Variants in ASGR2 observed in about 807,000 individuals in gnomAD.
ASGR2 encodes the protein asialoglycoprotein receptor 2.
ASGR2 carries 34 observed loss-of-function variants against 32.3 expected under a neutral mutation model. That is an observed-to-expected ratio of 1.05 (90% confidence interval 0.80 to 1.40). The LOEUF is 1.40. Ranked by LOEUF, ASGR2 falls within the 40% of genes most tolerant of loss-of-function variation. ASGR2 has a pLI of 0.00. For missense variants in ASGR2, 385 were observed against 386.4 expected, an observed-to-expected ratio of 1.00 and a Z score of 0.03; for synonymous variants, 143 against 150.0, an observed-to-expected ratio of 0.95 and a Z score of 0.34.
At position 7,114,679 on chromosome 17, in the gene ASGR2, G is replaced by A. The variant is rs34624974; in HGVS notation, c.-135C>T. On this transcript the variant is annotated 5_prime_UTR_variant, in exon 1 of 9. Coordinates refer to ENST00000691900, the MANE Select transcript of ASGR2 (RefSeq NM_001201352.2). The surrounding 1 kb of genome is among the most constrained non-coding windows in gnomAD (Gnocchi z 4.5). ...GCAACCCTGGCCTTGGCCAAGGAGG[G>A]GTTAAAGCCAGGAGAACTGGGGCAG... 1.0e-3 allele frequency: 1,068 copies of A among 1,022,826 alleles called. 27 individuals carry two copies. The Admixed American group carries it at 0.049, about 47-fold the overall frequency. The allele number at this position is 1,022,826 out of a possible 1,614,324, so 63.4% of individuals were successfully genotyped here.
At chr17:7,111,471 A>G (rs1475191939) in intron 2 of ASGR2, among the ~76,000 whole-genome samples, 7 of 152,078 alleles carry the variant, frequency 4.6e-5, no homozygotes, top group African/African-American at 7.2e-5. Context: ...CCTGGCTAAC[A>G]TGGTGAAACC....
chr17:7,111,500 C>CAAA (rs1233875802), intron 2 of ASGR2, among the ~76,000 whole-genome samples: 6 of 151,740 alleles, frequency 4.0e-5, no homozygotes, highest in Admixed American at 6.6e-5. Flanking sequence ...ACTAAAAATA[C>CAAA]AAAAAATTAG....
chr17:7,106,093 A>G (rs1913638313), intron 7 of ASGR2, among the ~76,000 whole-genome samples: 1 of 152,198 alleles, frequency 6.6e-6, no homozygotes, highest in South Asian at 2.1e-4. Flanking sequence ...GGCCTAAATC[A>G]GCATTTTTAA....
chr17:7,114,032 G>C lies in ASGR2; in HGVS notation c.124+85C>G. On this transcript the variant is annotated intron_variant, in intron 2 of 8. Transcript: ENST00000691900. This position sits in a 1 kb window ranked among gnomAD's most constrained non-coding sequence, Gnocchi z 4.5. ...GCCCTCCTCAGTCCCTGTTCACAGA[G>C]TGGGTGCGGCAGAGACCTCAAAGGG... is the stretch of plus-strand genomic sequence containing the variant. The C allele has an allele frequency of 6.4e-7, 1 of 1,570,112 alleles. No individual in the cohort carries two copies. Among genetic ancestry groups the C allele is most frequent in the Non-Finnish European group, 8.6e-7 (1 of 1,156,296 alleles).
intron 2 of ASGR2, among the ~76,000 whole-genome samples, chr17:7,110,488 G>A (rs1322283703): frequency 6.6e-6 from 1 of 152,176 alleles, no homozygotes; most frequent in Admixed American, 6.5e-5. Flanking sequence ...GGTCAGCCCA[G>A]CAACGTGTCT....
chr17:7,108,944 A>AAG lies in ASGR2; in HGVS notation c.125-58_125-57dup. 6.9e-7 allele frequency: 1 copy of AAG among 1,447,714 alleles called. No homozygotes were observed. Among genetic ancestry groups the AAG allele is most frequent in the South Asian group, 1.2e-5 (1 of 82,696 alleles). The allele number at this position is 1,447,714 out of a possible 1,614,324, so 89.7% of individuals were successfully genotyped here. ...CCTGGGTGTGGGGAGCCGGAGGGTA[A>AAG]AGACAGGGCACCGAAGCCTGAGGAG... On this transcript the variant is annotated intron_variant, in intron 2 of 8. Coordinates refer to ENST00000691900, the MANE Select transcript of ASGR2 (RefSeq NM_001201352.2). This position sits in a 1 kb window ranked among gnomAD's most constrained non-coding sequence, Gnocchi z 4.9.
At chr17:7,102,966 C>T (rs1434536394) in intron 7 of ASGR2, among the ~76,000 whole-genome samples, 1 of 152,144 alleles carries the variant, frequency 6.6e-6, no homozygotes, top group African/African-American at 2.4e-5. Context: ...CCCACGCGCA[C>T]CCACACTCCC....
At chr17:7,104,280 G>A (rs577272983) in intron 7 of ASGR2, among the ~76,000 whole-genome samples, 14 of 149,178 alleles carry the variant, frequency 9.4e-5, no homozygotes, top group Admixed American at 1.3e-4. Flanking sequence ...CCTGGGAGGC[G>A]GAGGTTGTAG....
chr17:7,102,827 C>A (rs1913052909), intron 7 of ASGR2, among the ~76,000 whole-genome samples: 2 of 152,210 alleles, frequency 1.3e-5, no homozygotes, highest in Admixed American at 6.5e-5. Flanking sequence ...CCATTATGAT[C>A]TAGCTACGTG....
rs1328501609 is a variant in ASGR2, at chr17:7,114,502, A to G, written c.-71+113T>C. On this transcript the variant is annotated intron_variant, in intron 1 of 8. Coordinates refer to ENST00000691900, the MANE Select transcript of ASGR2 (RefSeq NM_001201352.2). This position sits in a 1 kb window ranked among gnomAD's most constrained non-coding sequence, Gnocchi z 4.5. ...TGACCTGGCCAGGAGACCCCTCCCC[A>G]CGCTCATGGACCCGACCACCCACAG... is the stretch of plus-strand genomic sequence containing the variant. 1.5e-5 allele frequency: 20 copies of G among 1,295,980 alleles called. No individual in the cohort carries two copies. The East Asian group carries it at 6.1e-4, about 40-fold the overall frequency. The allele number at this position is 1,295,980 out of a possible 1,614,324, so 80.3% of individuals were successfully genotyped here.
Position 7,101,413 on chromosome 17 carries a change from C to T in ASGR2, c.*162G>A. Reference sequence around the variant, plus strand: ...TGAATTACAGAAGGAGGTGGGATCTCAGTCCTCCAGGGTCAGGGACTCTTA... The same window carrying T: ...TGAATTACAGAAGGAGGTGGGATCTTAGTCCTCCAGGGTCAGGGACTCTTA... On this transcript the variant is annotated 3_prime_UTR_variant, in exon 9 of 9. Transcript: ENST00000691900. 1.2e-6 allele frequency: 1 copy of T among 820,974 alleles called. No homozygotes were observed. The highest frequency in any genetic ancestry group is 1.8e-6 in the Non-Finnish European group (1 of 551,986). 50.9% of individuals were successfully genotyped at this position (820,974 alleles called of 1,614,324 possible).
chr17:7,107,066 A>G lies in ASGR2; in HGVS notation c.582T>C (p.Ala194=), dbSNP rs773140777. 6.2e-7 allele frequency: 1 copy of G among 1,614,176 alleles called. No individual in the cohort carries two copies. Among genetic ancestry groups the G allele is most frequent in the Admixed American group, 1.7e-5 (1 of 60,014 alleles). ...CCAGCTGGCAGTACTTCTCCGCCTC[A>G]GCCCAGGCCTTCCCGGAGTGAGAGA... ...YWFSHSGKAW[A]EAEKYCQLEN... Residue 194 remains alanine (A), a synonymous_variant, in exon 7 of 9, where the codon GCT becomes GCC. Transcript: ENST00000691900. The surrounding 1 kb of genome is among the most constrained non-coding windows in gnomAD (Gnocchi z 5.0).
chr17:7,103,948 T>G (rs999243838), intron 7 of ASGR2, among the ~76,000 whole-genome samples: 1 of 151,352 alleles, frequency 6.6e-6, no homozygotes, highest in Non-Finnish European at 1.5e-5. Flanking sequence ...GAACAGTTTC[T>G]TTACATGCTT....
In ASGR2 at chr17:7,113,477, TACAC is replaced by T. The variant is rs75289420; in HGVS notation, c.124+636_124+639del. 5.1e-4 allele frequency among the ~76,000 whole-genome samples: 68 copies of T among 132,456 alleles called. No homozygotes were observed. Among genetic ancestry groups the T allele is most frequent in the African/African-American group, 1.6e-3 (55 of 34,012 alleles). 86.9% of individuals were successfully genotyped at this position (132,456 alleles called of 152,430 possible). On this transcript the variant is annotated intron_variant, in intron 2 of 8. Coordinates refer to ENST00000691900, the MANE Select transcript of ASGR2 (RefSeq NM_001201352.2). The surrounding 1 kb of genome is among the most constrained non-coding windows in gnomAD (Gnocchi z 5.1). ...CACAAACATACATACACTCACACAA[TACAC>T]ACACACAACACACACACAACATACA...
At chr17:7,111,429 G>A (rs556721116) in intron 2 of ASGR2, among the ~76,000 whole-genome samples, 2 of 152,068 alleles carry the variant, frequency 1.3e-5, no homozygotes, top group African/African-American at 2.4e-5. Context: ...GGCCAAGGCG[G>A]GCAGATCATG....
Position 7,101,645 on chromosome 17 carries a change from T to C in ASGR2, c.851A>G (p.Asp284Gly). ...VEVQPDGRWN[D>G]DFCLQVYRWV... Reference sequence around the variant, plus strand: ...GCGGTACACCTGCAGGCAGAAGTCATCGTTCCAGCGGCCATCCGGCTGGAC... The same window carrying C: ...GCGGTACACCTGCAGGCAGAAGTCACCGTTCCAGCGGCCATCCGGCTGGAC... Residue 284 changes from aspartate to glycine, a missense_variant, in exon 9 of 9, where the codon GAT (aspartate) becomes GGT (glycine). Asp to Gly is a moderately conservative substitution (Grantham distance 94). Transcript: ENST00000691900. 3.7e-6 allele frequency: 6 copies of C among 1,614,206 alleles called. No individual in the cohort carries two copies. Among genetic ancestry groups the C allele is most frequent in the Non-Finnish European group, 5.1e-6 (6 of 1,180,032 alleles).
At position 7,101,590 on chromosome 17, in the gene ASGR2, G is replaced by A. The variant is rs143467270; in HGVS notation, c.906C>T (p.Thr302=). 6.3e-4 allele frequency: 1,023 copies of A among 1,614,110 alleles called. 4 individuals carry two copies. The African/African-American group carries it at 0.012, about 19-fold the overall frequency. ...TGTGCTGGGGTCAGGCCACCTCGCC[G>A]GTGGCATTCCGCCTTTTCTCACACA... ...RWVCEKRRNA[T]GEVA The change falls in exon 9 of 9, where the codon ACC becomes ACT. Residue 302 remains threonine (T), a synonymous_variant. Coordinates refer to ENST00000691900, the MANE Select transcript of ASGR2 (RefSeq NM_001201352.2).
At chr17:7,111,383 G>A (rs551848645) in intron 2 of ASGR2, among the ~76,000 whole-genome samples, 111 of 152,230 alleles carry the variant, frequency 7.3e-4, no homozygotes, top group African/African-American at 2.6e-3. Context: ...CTGGCCAGGC[G>A]CCGTGGCTCA....
In ASGR2 at chr17:7,107,935, C is replaced by G. The variant is rs756977918; in HGVS notation, c.338-28G>C. ...GGAAGCGGAAAGCCAGCTGTTTCCCCGCTGAGCCTCCCTCCGTCCTCATGC... is the reference window on the plus strand; with the variant it reads ...GGAAGCGGAAAGCCAGCTGTTTCCCGGCTGAGCCTCCCTCCGTCCTCATGC... On this transcript the variant is annotated intron_variant, in intron 4 of 8. Transcript: ENST00000691900. The surrounding 1 kb of genome is among the most constrained non-coding windows in gnomAD (Gnocchi z 5.0). 1 of 1,613,034 alleles carries G rather than the reference C, an allele frequency of 6.2e-7. No homozygotes were observed. Among genetic ancestry groups the G allele is most frequent in the Non-Finnish European group, 8.5e-7 (1 of 1,179,660 alleles).
Sources: allele counts gnomAD v4.1 joint callset (sites outside exome capture counted in the v4.1 genomes callset), GRCh38; gene constraint gnomAD v4.1.1; non-coding constraint Gnocchi (gnomAD v3.1); transcripts MANE v1.5; gene names NCBI Gene and HGNC (gene_info 2026-07-23, HGNC 2026-07-21).